Variants in FBXO47 observed in about 807,000 individuals in gnomAD.
The protein encoded by FBXO47 is F-box protein 47.
FBXO47 carries 34 observed loss-of-function variants against 53.9 expected under a neutral mutation model. That is an observed-to-expected ratio of 0.63 (90% CI 0.48 to 0.84). The LOEUF (loss-of-function observed/expected upper bound fraction) is 0.84, where lower values mean the gene tolerates loss of function less well. Ranked by LOEUF, FBXO47 falls within the 40% of genes least tolerant of loss-of-function variation. The probability of loss-of-function intolerance (pLI) is 0.00; values close to 1 mark genes in which losing one functional copy is unlikely to be tolerated. For synonymous variants in FBXO47, 165 were observed against 181.6 expected (o/e 0.91, Z 0.73); for missense variants, 485 against 541.3 (o/e 0.90, Z 1.03).
chr17:38,945,964 T>TAA (rs1555560631), intron 6 of FBXO47, among the ~76,000 whole-genome samples: 1 of 132,010 alleles, frequency 7.6e-6, no homozygotes, highest in African/African-American at 2.9e-5. Context: ...TATATATATA[T>TAA]AAATATATAA....
chr17:38,961,570 T>G (rs769555521), intron 3 of FBXO47, among the ~76,000 whole-genome samples: 1 of 152,196 alleles, frequency 6.6e-6, no homozygotes, highest in Non-Finnish European at 1.5e-5. Context: ...ACTCACTTGA[T>G]CCACAGGAAG....
At chr17:38,944,767 A>G (rs1408359183) in intron 7 of FBXO47, among the ~76,000 whole-genome samples, 193 bp downstream of exon 7, 3 of 149,470 alleles carry the variant, frequency 2.0e-5, no homozygotes, top group Non-Finnish European at 4.4e-5. Context: ...GCTACTTGGG[A>G]GGCTGAGGCA....
chr17:38,953,166 CAA>C lies in FBXO47; in HGVS notation c.508-1479_508-1478del, dbSNP rs549139822. Among the ~76,000 whole-genome samples, 166 of 132,126 alleles carry C rather than the reference CAA, an allele frequency of 1.3e-3. 1 individual carries two copies. In the East Asian group the frequency reaches 0.018, roughly 14 times the overall value. The allele number at this position is 132,126 out of a possible 152,430, so 86.7% of individuals were successfully genotyped here. ...ACACACACACACACACACACACACA[CAA>C]AATAGCTAGGTGTGGTGGCAGGCCC... is the stretch of plus-strand genomic sequence containing the variant. On this transcript the variant is annotated intron_variant, in intron 5 of 10. Coordinates refer to ENST00000378079, the MANE Select transcript of FBXO47 (RefSeq NM_001008777.3).
At chr17:38,958,455 T>A (rs561401430) in intron 3 of FBXO47, among the ~76,000 whole-genome samples, 4 of 145,562 alleles carry the variant, frequency 2.7e-5, no homozygotes, top group Non-Finnish European at 6.0e-5. Flanking sequence ...AGATTTTGTG[T>A]ACAGATACTT....
intron 7 of FBXO47, among the ~76,000 whole-genome samples, chr17:38,944,274 C>G (rs77790128): frequency 6.7e-6 from 1 of 150,158 alleles, no homozygotes; most frequent in African/African-American, 2.5e-5. Context: ...GTATGTAATT[C>G]TAGCACTTGG....
At chr17:38,945,737 C>A (rs538972312) in intron 6 of FBXO47, among the ~76,000 whole-genome samples, 8 of 151,624 alleles carry the variant, frequency 5.3e-5, no homozygotes, top group Non-Finnish European at 8.8e-5. Context: ...GAGATCGAGA[C>A]CAACCTGGCT....
chr17:38,947,243 C>G (rs894624107), intron 6 of FBXO47, among the ~76,000 whole-genome samples: 2 of 151,108 alleles, frequency 1.3e-5, no homozygotes, highest in African/African-American at 2.4e-5. Flanking sequence ...GAGGTGGCAG[C>G]GAGCTGAGAT....
intron 1 of FBXO47, 25 bp from the exon 2 acceptor site, chr17:38,963,076 A>G: frequency 2.2e-6 from 3 of 1,383,840 alleles, no homozygotes; most frequent in Non-Finnish European, 3.0e-6. Flanking sequence ...AAAGTACAAG[A>G]GACAAGAAAG....
Position 38,943,594 on chromosome 17 carries a change from T to C in FBXO47, c.936A>G (p.Leu312=), listed in dbSNP as rs766152611. ...ADDVISLVDE[L]SVVPREWLLE... ...GTTAGTAAATATATTTTTTACCTGA[T>C]AGTTCATCTACAAGACTGATAACAT... Residue 312 remains leucine (L), a synonymous_variant, in exon 8 of 11, where the codon CTA becomes CTG. Transcript: ENST00000378079. The C allele has an allele frequency of 1.3e-6, 2 of 1,552,260 alleles. No homozygotes were observed. Among genetic ancestry groups the C allele is most frequent in the Non-Finnish European group, 1.7e-6 (2 of 1,153,256 alleles).
At chr17:38,941,104 C>A (rs761000185) in intron 9 of FBXO47, among the ~76,000 whole-genome samples, 30 of 151,860 alleles carry the variant, frequency 2.0e-4, no homozygotes, top group Non-Finnish European at 4.1e-4. Flanking sequence ...CCCACTTCAG[C>A]TCCTGAGTAG....
At chr17:38,966,775 T>C (rs888977436) in intron 1 of FBXO47, among the ~76,000 whole-genome samples, 1 of 152,140 alleles carries the variant, frequency 6.6e-6, no homozygotes, top group Admixed American at 6.5e-5. Context: ...GAGCTGGACG[T>C]TTCGTAGGGA....
chr17:38,954,066 G>C (rs972238937), intron 5 of FBXO47, among the ~76,000 whole-genome samples: 1 of 152,082 alleles, frequency 6.6e-6, no homozygotes. Context: ...GCCGAGGTGG[G>C]TGGATTGCTT....
chr17:38,957,284 GACA>G (rs1448587578), intron 3 of FBXO47, 31 bp from the exon 4 acceptor site: 1 of 1,441,580 alleles, frequency 6.9e-7, no homozygotes, highest in Admixed American at 1.7e-5. Flanking sequence ...AAGAAAAAAT[GACA>G]ACAATACAAT....
chr17:38,952,189 G>T (rs984066634), intron 5 of FBXO47, among the ~76,000 whole-genome samples: 2 of 151,998 alleles, frequency 1.3e-5, no homozygotes, highest in African/African-American at 4.8e-5. Context: ...AGCTGGGCTC[G>T]GTGGCACGCA....
chr17:38,946,959 T>C (rs1904950948), intron 6 of FBXO47, among the ~76,000 whole-genome samples: 1 of 119,674 alleles, frequency 8.4e-6, no homozygotes, highest in East Asian at 2.6e-4. Flanking sequence ...TATAAATATA[T>C]AAACATATAT....
intron 5 of FBXO47, among the ~76,000 whole-genome samples, chr17:38,952,640 T>C (rs1055096993): frequency 2.0e-5 from 3 of 151,976 alleles, no homozygotes; most frequent in African/African-American, 7.3e-5. Flanking sequence ...ACTTCGACAA[T>C]GTGAGGCAAG....
In FBXO47 at chr17:38,944,848, A is replaced by ATATGTGTGTGTGTGTGTGTG. The variant is rs1555560426; in HGVS notation, c.793+111_793+112insCACACACACACACACACATA. The ATATGTGTGTGTGTGTGTGTG allele has an allele frequency of 1.1e-5, 7 of 616,814 alleles. No homozygotes were observed. The Middle Eastern group carries it at 1.4e-3, about 127-fold the overall frequency. 38.2% of individuals were successfully genotyped at this position (616,814 alleles called of 1,614,324 possible). A position where few individuals can be genotyped will look rare whatever the true frequency, so the allele number is the denominator to read the frequency against. Reference sequence around the variant, plus strand: ...ATCGCACCACTGTGTGCGTGCATGCATGTGTGTGTGTGTGTGTGTGTGTAT... The same window carrying ATATGTGTGTGTGTGTGTGTG: ...ATCGCACCACTGTGTGCGTGCATGCATATGTGTGTGTGTGTGTGTGTGTGTGTGTGTGTGTGTGTGTGTAT... On this transcript the variant is annotated intron_variant, in intron 7 of 10. Coordinates refer to ENST00000378079, the MANE Select transcript of FBXO47 (RefSeq NM_001008777.3).
chr17:38,966,253 G>A (rs2143982256), intron 1 of FBXO47, among the ~76,000 whole-genome samples: 1 of 152,286 alleles, frequency 6.6e-6, no homozygotes, highest in South Asian at 2.1e-4. Context: ...CTGGGCTGGA[G>A]TGCAGTGGCG....
At chr17:38,952,390 G>A (rs541384969) in intron 5 of FBXO47, among the ~76,000 whole-genome samples, 7 of 151,998 alleles carry the variant, frequency 4.6e-5, no homozygotes, top group Admixed American at 4.6e-4. Context: ...TTTAGCATAT[G>A]ATCAAGGTGA....
Sources: allele counts gnomAD v4.1 joint callset (sites outside exome capture counted in the v4.1 genomes callset), GRCh38; gene constraint gnomAD v4.1.1; transcripts MANE v1.5; gene names NCBI Gene and HGNC (gene_info 2026-07-23, HGNC 2026-07-21).